KLF12: variants seen among roughly 807,000 people sequenced by gnomAD.
The protein encoded by KLF12 is Krueppel-like factor 12.
A neutral mutation model predicts 37.8 loss-of-function variants in KLF12; 9 were observed. That is an observed-to-expected ratio of 0.24 (90% CI 0.14 to 0.42). The LOEUF (loss-of-function observed/expected upper bound fraction) is 0.42, where lower values mean the gene tolerates loss of function less well. KLF12 is among the 10% of genes least tolerant of loss of function. KLF12 has a pLI of 1.00. For missense variants in KLF12, 411 were observed against 516.0 expected (o/e 0.80, Z 1.97); for synonymous variants, 208 against 202.1 (o/e 1.03, Z -0.25).
the KLF12 span, among the ~76,000 whole-genome samples, chr13:74,246,340 G>A: frequency 2.0e-5 from 3 of 152,168 alleles, no homozygotes; most frequent in Non-Finnish European, 2.9e-5. Context: ...ATTGAAGACA[G>A]CCCATTTTCT....
intron 7 of KLF12, among the ~76,000 whole-genome samples, chr13:73,711,213 T>G (rs1281692652): frequency 6.6e-6 from 1 of 152,194 alleles, no homozygotes; most frequent in African/African-American, 2.4e-5. Flanking sequence ...TAAGTGCAAG[T>G]TGTAGCAGCA....
chr13:74,053,089 A>G (rs1873023591), intron 1 of KLF12, among the ~76,000 whole-genome samples: 2 of 152,202 alleles, frequency 1.3e-5, no homozygotes, highest in South Asian at 4.1e-4. Context: ...ATCTGGTTGT[A>G]TGTTGATAAT....
chr13:73,744,033 T>C (rs897715556), intron 6 of KLF12, among the ~76,000 whole-genome samples: 1 of 152,234 alleles, frequency 6.6e-6, no homozygotes, highest in Non-Finnish European at 1.5e-5. Flanking sequence ...ACTCTTCTTA[T>C]GTAAGAAAAG....
At chr13:73,803,867 G>A (rs538005829) in intron 5 of KLF12, among the ~76,000 whole-genome samples, 2 of 151,650 alleles carry the variant, frequency 1.3e-5, no homozygotes, top group African/African-American at 4.8e-5. Flanking sequence ...GGACACCTAA[G>A]TAACACTAGT....
At chr13:74,063,234 T>G (rs1388985786) in intron 1 of KLF12, among the ~76,000 whole-genome samples, 2 of 152,184 alleles carry the variant, frequency 1.3e-5, no homozygotes, top group Non-Finnish European at 2.9e-5. Context: ...CACCATCCTC[T>G]AATATGAATA....
intron 3 of KLF12, among the ~76,000 whole-genome samples, chr13:73,861,958 G>A (rs913962141): frequency 1.8e-4 from 28 of 151,750 alleles, no homozygotes; most frequent in Non-Finnish European, 3.2e-4. Flanking sequence ...AAATGTGTGT[G>A]TCTACGTGTT....
intron 1 of KLF12, among the ~76,000 whole-genome samples, chr13:74,034,081 G>T (rs1893183594): frequency 6.6e-6 from 1 of 150,948 alleles, no homozygotes; most frequent in African/African-American, 2.4e-5. Context: ...TTTGTTTTTT[G>T]AGACAGAGTC....
chr13:74,254,786 GTGTT>G, the KLF12 span, among the ~76,000 whole-genome samples: 1 of 152,138 alleles, frequency 6.6e-6, no homozygotes, highest in East Asian at 1.9e-4. Flanking sequence ...ATGTGTGTGT[GTGTT>G]TGTGTGCGTG....
At chr13:73,841,489 T>A (rs1441388362) in intron 4 of KLF12, among the ~76,000 whole-genome samples, 1 of 152,184 alleles carries the variant, frequency 6.6e-6, no homozygotes, top group Non-Finnish European at 1.5e-5. Context: ...CCGGGTTGCA[T>A]ACAGCCCACA....
intron 4 of KLF12, among the ~76,000 whole-genome samples, chr13:73,837,626 T>C (rs1239474088): frequency 6.6e-6 from 1 of 152,180 alleles, no homozygotes; most frequent in Non-Finnish European, 1.5e-5. Flanking sequence ...TGTTTTGCCA[T>C]AAGAGTGAAA....
At chr13:74,035,784 T>G (rs1199536771) in intron 1 of KLF12, among the ~76,000 whole-genome samples, 1 of 152,366 alleles carries the variant, frequency 6.6e-6, no homozygotes, top group Admixed American at 6.5e-5. Flanking sequence ...CTCTTCAGTT[T>G]TAAATTGTAC....
At chr13:74,070,487 G>A (rs1874166632) in intron 1 of KLF12, among the ~76,000 whole-genome samples, 1 of 150,234 alleles carries the variant, frequency 6.7e-6, no homozygotes, top group Admixed American at 6.7e-5. Context: ...AGGAATATGG[G>A]GTTTTGTTTG....
At chr13:74,273,456 T>A in the KLF12 span, among the ~76,000 whole-genome samples, 1 of 152,018 alleles carries the variant, frequency 6.6e-6, no homozygotes, top group African/African-American at 2.4e-5. Flanking sequence ...AGCTTTTTTT[T>A]TTTCTGGAGC....
rs181038796 is a variant in KLF12, at chr13:73,994,197, T to C, written c.33+793A>G. ...AGAAAAAGACATAGCAAGTTGTGCA[T>C]TGATTTGGAAGCAGCAAGAGTAATA... On this transcript the variant is annotated intron_variant, in intron 2 of 7. Transcript: ENST00000377669. Among the ~76,000 whole-genome samples, 16 of 152,304 alleles carry C rather than the reference T, an allele frequency of 1.1e-4. No homozygotes were observed. In the East Asian group the frequency reaches 2.5e-3, roughly 24 times the overall value.
intron 4 of KLF12, among the ~76,000 whole-genome samples, chr13:73,821,482 C>G (rs543862064): frequency 9.8e-5 from 15 of 152,320 alleles, no homozygotes; most frequent in African/African-American, 3.6e-4. Flanking sequence ...AACTTTGATT[C>G]ATTTCATTTG....
At chr13:74,227,745 T>C in the KLF12 span, among the ~76,000 whole-genome samples, 1 of 152,138 alleles carries the variant, frequency 6.6e-6, no homozygotes, top group Middle Eastern at 3.2e-3. Flanking sequence ...ATAGAGTTTA[T>C]TGTGATAACA....
At chr13:74,077,797 T>C (rs1045082222) in intron 1 of KLF12, among the ~76,000 whole-genome samples, 1 of 152,184 alleles carries the variant, frequency 6.6e-6, no homozygotes, top group South Asian at 2.1e-4. Flanking sequence ...TGTCCAGGAA[T>C]CTCCCAAATT....
intron 1 of KLF12, among the ~76,000 whole-genome samples, chr13:74,031,361 A>G (rs928168221): frequency 7.2e-5 from 11 of 152,282 alleles, no homozygotes; most frequent in African/African-American, 2.6e-4. Flanking sequence ...ACAATATGCT[A>G]TATGTTGAGT....
chr13:73,710,743 A>G (rs1875333023), intron 7 of KLF12, among the ~76,000 whole-genome samples: 1 of 123,288 alleles, frequency 8.1e-6, no homozygotes, highest in Non-Finnish European at 1.7e-5. Context: ...TCCTTGAGAC[A>G]CAACAATATT....
Sources: allele counts gnomAD v4.1 joint callset (sites outside exome capture counted in the v4.1 genomes callset), GRCh38; gene constraint gnomAD v4.1.1; transcripts MANE v1.5; gene names NCBI Gene and HGNC (gene_info 2026-07-23, HGNC 2026-07-21).